Variants in FGFR2 observed in about 807,000 individuals in gnomAD.
FGFR2 encodes the protein BEK fibroblast growth factor receptor.
In FGFR2, 19 loss-of-function variants were observed where a neutral mutation model predicts 95.9. The ratio of observed to expected loss-of-function variants is 0.20; its 90% CI spans 0.14 to 0.29. FGFR2 has a LOEUF of 0.29. Among genes scored for constraint, FGFR2 ranks in the 10% least tolerant of loss-of-function variants. The pLI is 1.00. For missense variants in FGFR2, 707 were observed against 1,056.9 expected, an observed-to-expected ratio of 0.67 and a Z score of 4.59; for synonymous variants, 392 against 393.3, an observed-to-expected ratio of 1.00 and a Z score of 0.04.
intron 6 of FGFR2, among the ~76,000 whole-genome samples, chr10:121,522,554 T>C (rs1850709105): frequency 1.3e-5 from 2 of 152,120 alleles, no homozygotes; most frequent in South Asian, 4.1e-4. Flanking sequence ...AGACCCCGTC[T>C]TAGAAAAGAA....
At chr10:121,577,174 T>TAGAGAGAGAGAG (rs1426070759) in intron 2 of FGFR2, among the ~76,000 whole-genome samples, 70 of 4,796 alleles carry the variant, frequency 0.015, 3 homozygotes, top group Non-Finnish European at 0.021. Context: ...TATATATATA[T>TAGAGAGAGAGAG]ATATAGAGAG....
At chr10:121,541,785 G>C (rs1363541315) in intron 5 of FGFR2, among the ~76,000 whole-genome samples, 2 of 152,296 alleles carry the variant, frequency 1.3e-5, no homozygotes, top group South Asian at 4.1e-4. Flanking sequence ...AATGTGTAGG[G>C]AAATAAAAGA....
intron 5 of FGFR2, among the ~76,000 whole-genome samples, chr10:121,542,833 A>T (rs1034207496): frequency 1.3e-5 from 2 of 152,158 alleles, no homozygotes; most frequent in African/African-American, 4.8e-5. Context: ...ATCCCAGGCT[A>T]CCCTCAGGTG....
intron 4 of FGFR2, among the ~76,000 whole-genome samples, chr10:121,559,575 T>C (rs1014272335): frequency 1.3e-5 from 2 of 152,174 alleles, no homozygotes; most frequent in Non-Finnish European, 2.9e-5. Context: ...CATCTAATGT[T>C]TCACAGACAC....
chr10:121,565,370 T>A (rs953124792), intron 3 of FGFR2, 68 bp downstream of exon 3: 3 of 1,604,044 alleles, frequency 1.9e-6, no homozygotes, highest in African/African-American at 2.7e-5. Flanking sequence ...CTCACTACCT[T>A]TTCACTTGGC....
chr10:121,496,924 A>C (rs1018257138), intron 12 of FGFR2, among the ~76,000 whole-genome samples: 2 of 151,446 alleles, frequency 1.3e-5, no homozygotes, highest in African/African-American at 4.9e-5. Context: ...TGAGGCCAGG[A>C]GTTCAAGACC....
chr10:121,592,340 AAGAGGC>A (rs1274128597), intron 2 of FGFR2, among the ~76,000 whole-genome samples: 1 of 152,138 alleles, frequency 6.6e-6, no homozygotes, highest in Admixed American at 6.5e-5. Flanking sequence ...ACAAATCACC[AAGAGGC>A]AGTTCCATAA....
intron 6 of FGFR2, among the ~76,000 whole-genome samples, chr10:121,537,123 G>T (rs975467108): frequency 2.6e-5 from 4 of 152,102 alleles, no homozygotes; most frequent in African/African-American, 9.7e-5. Flanking sequence ...TTCTCACTAA[G>T]AAACATGCCA....
Position 121,479,346 on chromosome 10 carries a change from G to A in FGFR2, c.*511C>T, listed in dbSNP as rs1205078162. 1 of 284,214 alleles carries A rather than the reference G, an allele frequency of 3.5e-6. No individual in the cohort carries two copies. Among genetic ancestry groups the A allele is most frequent in the Admixed American group, 5.1e-5 (1 of 19,646 alleles). 17.6% of individuals were successfully genotyped at this position (284,214 alleles called of 1,614,324 possible). A position where few individuals can be genotyped will look rare whatever the true frequency, so the allele number is the denominator to read the frequency against. On this transcript the variant is annotated 3_prime_UTR_variant, in exon 18 of 18. Transcript: ENST00000358487. ...GTGTAAGAACAGCATTTAGCAAATA[G>A]CTATTAAAAAAAGAGAGACCAATTT...
chr10:121,546,900 A>G (rs929209202), intron 5 of FGFR2, among the ~76,000 whole-genome samples: 1 of 152,220 alleles, frequency 6.6e-6, no homozygotes, highest in African/African-American at 2.4e-5. Flanking sequence ...TGTATCTTGG[A>G]AAACTTGACA....
intron 2 of FGFR2, among the ~76,000 whole-genome samples, chr10:121,573,203 TG>T (rs1323336808): frequency 1.3e-5 from 2 of 152,206 alleles, no homozygotes; most frequent in South Asian, 2.1e-4. Flanking sequence ...AGAGAACAGA[TG>T]GGAAACCTGA....
chr10:121,555,229 T>C (rs1474380244), intron 4 of FGFR2, among the ~76,000 whole-genome samples: 1 of 152,060 alleles, frequency 6.6e-6, no homozygotes. Flanking sequence ...AAAAATTAGC[T>C]GGACATGGTG....
At chr10:121,567,711 G>A (rs930463489) in intron 2 of FGFR2, among the ~76,000 whole-genome samples, 5 of 152,236 alleles carry the variant, frequency 3.3e-5, no homozygotes, top group South Asian at 2.1e-4. Flanking sequence ...ATGATGGCCC[G>A]CGGGCCAAGC....
chr10:121,559,133 A>C (rs544313295), intron 4 of FGFR2, among the ~76,000 whole-genome samples: 1,761 of 148,718 alleles, frequency 0.012, 45 homozygotes, highest in East Asian at 0.064. Context: ...AAAAAAAAAA[A>C]CTCAAAAAAG....
chr10:121,521,445 G>T (rs1850525084), intron 6 of FGFR2, among the ~76,000 whole-genome samples: 4 of 152,152 alleles, frequency 2.6e-5, no homozygotes, highest in Admixed American at 2.6e-4. Context: ...CCACACATGA[G>T]ACTCCTCAAG....
intron 6 of FGFR2, among the ~76,000 whole-genome samples, chr10:121,524,898 A>G (rs552599442): frequency 6.6e-6 from 1 of 152,322 alleles, no homozygotes; most frequent in Non-Finnish European, 1.5e-5. Flanking sequence ...AAACTGATAT[A>G]AAAAGAATCC....
intron 4 of FGFR2, among the ~76,000 whole-genome samples, chr10:121,563,440 G>A (rs948588451): frequency 6.6e-6 from 1 of 152,122 alleles, no homozygotes. Context: ...TTGTTTAAAT[G>A]TACCAAATTG....
At chr10:121,502,562 T>A (rs1589774933) in intron 10 of FGFR2, among the ~76,000 whole-genome samples, 1 of 152,162 alleles carries the variant, frequency 6.6e-6, no homozygotes, top group Non-Finnish European at 1.5e-5. Context: ...GCCAGCCACA[T>A]AAGCTACCTC....
chr10:121,596,348 G>C (rs766099218), intron 1 of FGFR2: 2 of 198,896 alleles, frequency 1.0e-5, no homozygotes, highest in Non-Finnish European at 2.1e-5. Flanking sequence ...CCTGTGCTGG[G>C]CTCTTCAATT....
Sources: allele counts gnomAD v4.1 joint callset (sites outside exome capture counted in the v4.1 genomes callset), GRCh38; gene constraint gnomAD v4.1.1; transcripts MANE v1.5; gene names NCBI Gene and HGNC (gene_info 2026-07-23, HGNC 2026-07-21).